FNBP1: variants seen among roughly 807,000 people sequenced by gnomAD.
The protein encoded by FNBP1 is formin-binding protein 1.
FNBP1 carries 26 observed loss-of-function variants against 90.6 expected under a neutral mutation model. The observed-to-expected ratio is 0.29, with a 90% CI of 0.21 to 0.40. The LOEUF (loss-of-function observed/expected upper bound fraction) is 0.40, where lower values mean the gene tolerates loss of function less well. FNBP1 is among the 10% of genes least tolerant of loss of function. FNBP1 has a pLI of 1.00. For synonymous variants in FNBP1, 260 were observed against 265.2 expected, an observed-to-expected ratio of 0.98 and a Z score of 0.19; for missense variants, 635 against 768.0, an observed-to-expected ratio of 0.83 and a Z score of 2.05.
At chr9:130,050,875 G>T in the FNBP1 span, among the ~76,000 whole-genome samples, 6 of 145,216 alleles carry the variant, frequency 4.1e-5, no homozygotes, top group Admixed American at 1.4e-4. Context: ...CGCACAGGCT[G>T]GAGTGAATTG....
intron 6 of FNBP1, among the ~76,000 whole-genome samples, chr9:129,943,117 A>G (rs1564392418): frequency 1.3e-5 from 2 of 152,122 alleles, no homozygotes; most frequent in African/African-American, 4.8e-5. Flanking sequence ...CCCTGGATGA[A>G]GTTGTCTCTA....
chr9:129,978,830 T>C (rs975960402), intron 3 of FNBP1, among the ~76,000 whole-genome samples: 1 of 152,252 alleles, frequency 6.6e-6, no homozygotes, highest in Non-Finnish European at 1.5e-5. Flanking sequence ...CCGCTCCGCA[T>C]AATGTAATAT....
intron 15 of FNBP1, among the ~76,000 whole-genome samples, chr9:129,897,682 A>C (rs1048396808): frequency 3.3e-5 from 5 of 152,124 alleles, no homozygotes; most frequent in African/African-American, 1.2e-4. Context: ...TGTAGCCCTG[A>C]ACTCTTGGCC....
At chr9:129,921,053 C>T (rs910914857) in intron 10 of FNBP1, among the ~76,000 whole-genome samples, 3 of 152,128 alleles carry the variant, frequency 2.0e-5, no homozygotes, top group Admixed American at 6.6e-5. Context: ...CTTCCACCAA[C>T]GGCTTTTTTC....
In FNBP1 at chr9:129,900,196, G is replaced by T. The variant is rs1013974748; in HGVS notation, c.1551-95C>A. 2.2e-6 allele frequency: 3 copies of T among 1,355,656 alleles called. No individual in the cohort carries two copies. The highest frequency in any genetic ancestry group is 5.2e-5 in the East Asian group (2 of 38,648). 84.0% of individuals were successfully genotyped at this position (1,355,656 alleles called of 1,614,324 possible). ...GCGACTGGAGAGCACTTGCAACCCC[G>T]CCCCTCAGCGAGTGCTGTAACTGAG... On this transcript the variant is annotated intron_variant, in intron 14 of 16. Transcript: ENST00000446176. The surrounding 1 kb of genome is among the most constrained non-coding windows in gnomAD (Gnocchi z 4.1).
intron 1 of FNBP1, among the ~76,000 whole-genome samples, chr9:130,003,319 T>C (rs767761073): frequency 1.4e-4 from 21 of 152,054 alleles, no homozygotes; most frequent in Non-Finnish European, 2.4e-4. Flanking sequence ...TAGCTGGGTA[T>C]GGTGGCACGC....
chr9:129,920,151 C>T (rs1348396352), intron 10 of FNBP1, among the ~76,000 whole-genome samples: 4 of 152,136 alleles, frequency 2.6e-5, no homozygotes, highest in African/African-American at 9.7e-5. Context: ...AAAATAAACA[C>T]ATCATTTGGG....
chr9:130,036,869 C>A (rs1214725772), intron 1 of FNBP1, among the ~76,000 whole-genome samples: 2 of 151,746 alleles, frequency 1.3e-5, no homozygotes, highest in Non-Finnish European at 2.9e-5. Flanking sequence ...CAAGGTGAAA[C>A]CCCATCTCTA....
At position 130,010,867 on chromosome 9, in the gene FNBP1, A is replaced by T. The variant is rs77979258; in HGVS notation, c.25-15909T>A. ...TCTGTACTGGCACTGGAATGAGAGT[A>T]GGGAACAGTAGAGTGCTAATGAGCA... On this transcript the variant is annotated intron_variant, in intron 1 of 16. Coordinates refer to ENST00000446176, the MANE Select transcript of FNBP1 (RefSeq NM_015033.3). 6.9e-3 allele frequency among the ~76,000 whole-genome samples: 1,048 copies of T among 151,246 alleles called. 16 individuals are homozygous for T. The highest frequency in any genetic ancestry group is 0.024 in the African/African-American group (1,006 of 41,214).
At chr9:129,924,858 A>G in intron 9 of FNBP1, 102 bp downstream of exon 9, 2 of 1,021,110 alleles carry the variant, frequency 2.0e-6, no homozygotes, top group South Asian at 3.4e-5. Context: ...CTTCTTTTGC[A>G]TTCTGAAACT....
intron 16 of FNBP1, among the ~76,000 whole-genome samples, chr9:129,894,107 G>C (rs13299386): frequency 1.3e-5 from 2 of 151,998 alleles, no homozygotes; most frequent in Non-Finnish European, 2.9e-5. Flanking sequence ...CCACAATGTA[G>C]AGGCAGGCAG....
intron 6 of FNBP1, among the ~76,000 whole-genome samples, chr9:129,938,722 G>T (rs1221003058): frequency 2.0e-5 from 3 of 151,954 alleles, no homozygotes; most frequent in African/African-American, 4.8e-5. Context: ...CCTATGCTCT[G>T]GTTGCCTTAT....
At chr9:130,013,070 G>A (rs1187521217) in intron 1 of FNBP1, among the ~76,000 whole-genome samples, 1 of 152,062 alleles carries the variant, frequency 6.6e-6, no homozygotes, top group Non-Finnish European at 1.5e-5. Context: ...ATACAAACTG[G>A]GAGAAGATAT....
chr9:129,898,388 C>G (rs2131271095), intron 15 of FNBP1, among the ~76,000 whole-genome samples: 1 of 152,242 alleles, frequency 6.6e-6, no homozygotes, highest in East Asian at 1.9e-4. Context: ...CTGGCCACAC[C>G]CCCCATGCCA....
chr9:130,037,645 AAAGG>A (rs2059441468), intron 1 of FNBP1, among the ~76,000 whole-genome samples: 1 of 152,170 alleles, frequency 6.6e-6, no homozygotes, highest in African/African-American at 2.4e-5. Flanking sequence ...TAAAGGCAAA[AAAGG>A]TACTTAGACT....
chr9:129,892,094 G>A (rs941920755), intron 16 of FNBP1, among the ~76,000 whole-genome samples: 48 of 152,036 alleles, frequency 3.2e-4, no homozygotes, highest in East Asian at 1.9e-4. Flanking sequence ...GCGGCTTTCC[G>A]GCAGTTATAA....
intron 9 of FNBP1, among the ~76,000 whole-genome samples, chr9:129,924,713 GT>G (rs966584732): frequency 2.6e-5 from 4 of 152,176 alleles, no homozygotes; most frequent in Non-Finnish European, 5.9e-5. Flanking sequence ...AGGCGAAACG[GT>G]GGAGAGGTCA....
In FNBP1 at chr9:129,966,604, C is replaced by G. The variant is rs2048678858; in HGVS notation, c.346-8051G>C. Among the ~76,000 whole-genome samples, 1 of 152,120 alleles carries G rather than the reference C, an allele frequency of 6.6e-6. No homozygotes were observed. The highest frequency in any genetic ancestry group is 1.5e-5 in the Non-Finnish European group (1 of 68,038). ...AAAATTAGCTGGGCATAGTGGCACA[C>G]ACCTGTAATCCCAGCTACTTGGGAG... is the stretch of plus-strand genomic sequence containing the variant. On this transcript the variant is annotated intron_variant, in intron 4 of 16. Transcript: ENST00000446176. This position sits in a 1 kb window ranked among gnomAD's most constrained non-coding sequence, Gnocchi z 4.3.
chr9:129,893,109 G>T (rs1005618384), intron 16 of FNBP1, among the ~76,000 whole-genome samples: 5 of 152,102 alleles, frequency 3.3e-5, no homozygotes, highest in African/African-American at 1.2e-4. Flanking sequence ...AAATGAGTTT[G>T]TCATCGGATA....
Sources: allele counts gnomAD v4.1 joint callset (sites outside exome capture counted in the v4.1 genomes callset), GRCh38; gene constraint gnomAD v4.1.1; non-coding constraint Gnocchi (gnomAD v3.1); transcripts MANE v1.5; gene names NCBI Gene and HGNC (gene_info 2026-07-23, HGNC 2026-07-21).